The following ZNF626 variants were observed in gnomAD, a reference collection of about 807,000 sequenced individuals.
ZNF626 encodes the protein zinc finger protein 626.
ZNF626 carries 4 observed loss-of-function variants against 11.7 expected under a neutral mutation model. The observed-to-expected ratio is 0.34, with a 90% CI of 0.17 to 0.78. The LOEUF (loss-of-function observed/expected upper bound fraction) is 0.78, where lower values mean the gene tolerates loss of function less well. Among genes scored for constraint, ZNF626 ranks in the 30% least tolerant of loss-of-function variants. ZNF626 has a pLI of 0.57. For synonymous variants in ZNF626, 179 were observed against 198.6 expected (o/e 0.90, Z 0.83); for missense variants, 588 against 587.1 (o/e 1.00, Z -0.01).
chr19:20,660,661 A>C (rs1555773590), intron 1 of ZNF626, among the ~76,000 whole-genome samples: 1 of 152,092 alleles, frequency 6.6e-6, no homozygotes, highest in East Asian at 1.9e-4. Flanking sequence ...TGACCACGTG[A>C]TCCACCTGCC....
intron 2 of ZNF626, 71 bp downstream of exon 2, chr19:20,646,208 C>T (rs1184205989): frequency 1.4e-6 from 2 of 1,451,826 alleles, no homozygotes; most frequent in African/African-American, 1.5e-5. Flanking sequence ...GAATAAATTA[C>T]TAAAAAACAT....
intron 2 of ZNF626, 49 bp downstream of exon 2, chr19:20,646,229 AT>A: frequency 1.3e-6 from 2 of 1,494,584 alleles, no homozygotes; most frequent in Non-Finnish European, 1.8e-6. Flanking sequence ...TCTACAAAAA[AT>A]AAATAAATAA....
intron 1 of ZNF626, among the ~76,000 whole-genome samples, chr19:20,655,338 C>T (rs1970193743): frequency 1.3e-5 from 2 of 152,096 alleles, no homozygotes; most frequent in Non-Finnish European, 2.9e-5. Flanking sequence ...AACTGAGTAT[C>T]ATTTAGTCTT....
intron 1 of ZNF626, among the ~76,000 whole-genome samples, chr19:20,656,667 G>A (rs2144795724): frequency 7.1e-6 from 1 of 141,794 alleles, no homozygotes; most frequent in Non-Finnish European, 1.5e-5. Flanking sequence ...ACATACATGT[G>A]GCTAACAAGC....
intron 3 of ZNF626, among the ~76,000 whole-genome samples, chr19:20,639,729 T>C (rs1378914986): frequency 1.3e-5 from 2 of 152,170 alleles, no homozygotes; most frequent in Non-Finnish European, 2.9e-5. Flanking sequence ...AGTAAAATCT[T>C]GCCTCAAAAC....
chr19:20,648,068 A>G (rs1051391334), intron 1 of ZNF626, among the ~76,000 whole-genome samples: 1 of 151,158 alleles, frequency 6.6e-6, no homozygotes, highest in Non-Finnish European at 1.5e-5. Flanking sequence ...AATCCTGGCT[A>G]CTCAGCATGC....
rs763955811 is a variant in ZNF626 at position 20,661,521 on chromosome 19, T to C, written c.-75A>G. The C allele has an allele frequency of 2.0e-6, 3 of 1,505,856 alleles. No individual in the cohort carries two copies. Among genetic ancestry groups the C allele is most frequent in the East Asian group, 2.3e-5 (1 of 42,778 alleles). The allele number at this position is 1,505,856 out of a possible 1,614,324, so 93.3% of individuals were successfully genotyped here. ...CTGCAGGACACGGGGCCACACAGCC[T>C]GGGCCTTTAGGAGAAGAACCAGACC... On this transcript the variant is annotated 5_prime_UTR_variant, in exon 1 of 4. Transcript: ENST00000601440.
chr19:20,642,936 G>A (rs1437253358), intron 3 of ZNF626, among the ~76,000 whole-genome samples: 2 of 151,578 alleles, frequency 1.3e-5, no homozygotes, highest in Admixed American at 6.6e-5. Context: ...GCTTGAACCC[G>A]GAAGGTGAAG....
At chr19:20,632,502 T>C (rs139138410) in intron 3 of ZNF626, among the ~76,000 whole-genome samples, 1 of 152,320 alleles carries the variant, frequency 6.6e-6, no homozygotes, top group Non-Finnish European at 1.5e-5. Flanking sequence ...TATTCTTTTT[T>C]CTCTAAACTT....
rs1555769340 is a variant in ZNF626, at chr19:20,625,010, T to A, written c.867A>T (p.Glu289Asp). 1 of 1,613,934 alleles carries A rather than the reference T, an allele frequency of 6.2e-7. No homozygotes were observed. The highest frequency in any genetic ancestry group is 2.2e-5 in the East Asian group (1 of 44,866). ...HTEKKPYKCE[E>D]CGKAFNRSST... The stretch of plus-strand genomic sequence containing the variant: ...AGGACCGGTTGAAGGCTTTGCCACA[T>A]TCTTCACATTTGTAGGGTTTCTTTT... The change falls in exon 4 of 4, where the codon GAA (glutamate) becomes GAT (aspartate). Residue 289 changes from glutamate to aspartate, a missense_variant. Physicochemically the swap from Glu to Asp is conservative, Grantham distance 45. This residue lies in a region of ZNF626 where 524 missense variants were observed against 470.1 expected (regional missense o/e 1.11). Transcript: ENST00000601440.
At chr19:20,629,214 T>G (rs1969874805) in intron 3 of ZNF626, among the ~76,000 whole-genome samples, 1 of 152,138 alleles carries the variant, frequency 6.6e-6, no homozygotes, top group Non-Finnish European at 1.5e-5. Flanking sequence ...AGTCAGGTAG[T>G]GTGATGCCTC....
At chr19:20,626,750 C>A (rs371725994) in intron 3 of ZNF626, among the ~76,000 whole-genome samples, 1 of 152,030 alleles carries the variant, frequency 6.6e-6, no homozygotes, top group Admixed American at 6.6e-5. Context: ...CGCAATGGCT[C>A]ATGCCTGTAA....
chr19:20,628,967 T>A, intron 3 of ZNF626, among the ~76,000 whole-genome samples: 1 of 152,200 alleles, frequency 6.6e-6, no homozygotes, highest in Non-Finnish European at 1.5e-5. Context: ...GTATAAGGTG[T>A]AAGGAACGGA....
At position 20,624,692 on chromosome 19, in the gene ZNF626, T is replaced by C; in HGVS notation, c.1185A>G (p.Lys395=). The change falls in exon 4 of 4, where the codon AAA becomes AAG. Residue 395 remains lysine, a synonymous_variant. Transcript: ENST00000601440. ...TGCCACATTCTTCACATTTGTAGGG[T>C]TTCTCTCCAGTATGAATTATCTTAT... is the stretch of plus-strand genomic sequence containing the variant. ...TTHKIIHTGE[K]PYKCEECGKA... is the part of the protein sequence containing the mutation. 3 of 1,610,130 alleles carry C rather than the reference T, an allele frequency of 1.9e-6. No homozygotes were observed. The highest frequency in any genetic ancestry group is 2.2e-5 in the East Asian group (1 of 44,578).
intron 3 of ZNF626, among the ~76,000 whole-genome samples, chr19:20,639,566 G>A (rs925538639): frequency 2.6e-5 from 4 of 152,048 alleles, no homozygotes; most frequent in African/African-American, 4.8e-5. Flanking sequence ...AGTCAGATCC[G>A]AACACTACAA....
intron 3 of ZNF626, among the ~76,000 whole-genome samples, chr19:20,631,935 C>G (rs1568456465): frequency 6.6e-6 from 1 of 151,814 alleles, no homozygotes. Flanking sequence ...ACCGGTTGCT[C>G]CTTTCCATGT....
chr19:20,624,942 G>C lies in ZNF626; in HGVS notation c.935C>G (p.Pro312Arg). Residue 312 changes from proline (P) to arginine (R), a missense_variant, in exon 4 of 4, where the codon CCC becomes CGC. Physicochemically the swap from Pro to Arg is moderately radical, Grantham distance 103 (BLOSUM62 -2). Coordinates refer to ENST00000601440, the MANE Select transcript of ZNF626 (RefSeq NM_001076675.3). ...THKIIHTGEK[P>R]YKCEECDKAF... Reference sequence around the variant, plus strand: ...TTTGTCACATTCTTCACATTTGTAGGGTTTTTCTCCAGTATGAATTATCTT... The same window carrying C: ...TTTGTCACATTCTTCACATTTGTAGCGTTTTTCTCCAGTATGAATTATCTT... 6.2e-7 allele frequency: 1 copy of C among 1,612,674 alleles called. No individual in the cohort carries two copies. Among genetic ancestry groups the C allele is most frequent in the Non-Finnish European group, 8.5e-7 (1 of 1,179,564 alleles).
chr19:20,653,400 G>A (rs1006074913), intron 1 of ZNF626, among the ~76,000 whole-genome samples: 8 of 152,122 alleles, frequency 5.3e-5, no homozygotes, highest in Non-Finnish European at 1.2e-4. Context: ...ACAAGTAGAA[G>A]AATTTCCAGC....
chr19:20,649,557 T>A (rs542057253), intron 1 of ZNF626, among the ~76,000 whole-genome samples: 2 of 152,268 alleles, frequency 1.3e-5, no homozygotes, highest in African/African-American at 4.8e-5. Context: ...TAGAGTCACA[T>A]AAGGGACTCC....
Sources: gnomAD v4.1 joint callset for allele counts (sites outside exome capture counted in the v4.1 genomes callset) on GRCh38, gnomAD v4.1.1 for gene constraint, gnomAD v4.1.1 regional missense constraint, MANE v1.5 for transcripts, NCBI Gene and HGNC (gene_info 2026-07-23, HGNC 2026-07-21) for gene names.